ANKRD13A: variants seen among roughly 807,000 people sequenced by gnomAD.
ANKRD13A encodes ankyrin repeat domain-containing protein 13A.
Under a neutral mutation model 81.3 loss-of-function variants are expected in ANKRD13A, and 48 were observed. The ratio of observed to expected loss-of-function variants is 0.59; its 90% confidence interval spans 0.47 to 0.75. The LOEUF is 0.75. Among genes scored for constraint, ANKRD13A ranks in the 30% least tolerant of loss-of-function variants. The probability of loss-of-function intolerance (pLI) is 0.00; values close to 1 mark genes in which losing one functional copy is unlikely to be tolerated. For synonymous variants in ANKRD13A, 230 were observed against 270.1 expected (o/e 0.85, Z 1.45); for missense variants, 612 against 734.0 (o/e 0.83, Z 1.92).
intron 1 of ANKRD13A, among the ~76,000 whole-genome samples, chr12:110,008,084 G>A (rs1890328780): frequency 6.6e-6 from 1 of 152,146 alleles, no homozygotes; most frequent in Non-Finnish European, 1.5e-5. Context: ...CATCTTAGAG[G>A]GGAAACATCC....
chr12:110,009,147 T>G (rs1292478003), intron 1 of ANKRD13A, among the ~76,000 whole-genome samples: 1 of 152,124 alleles, frequency 6.6e-6, no homozygotes, highest in African/African-American at 2.4e-5. Context: ...AATGGCACAA[T>G]CTCGGCTCAC....
rs1892118280 is a variant in ANKRD13A at position 110,037,249 on chromosome 12, T to TA, written c.1578-107dup. 6.3e-6 allele frequency: 7 copies of TA among 1,111,658 alleles called. No homozygotes were observed. The South Asian group carries it at 1.0e-4, about 17-fold the overall frequency. The allele number at this position is 1,111,658 out of a possible 1,614,324, so 68.9% of individuals were successfully genotyped here. A position where few individuals can be genotyped will look rare whatever the true frequency, so the allele number is the denominator to read the frequency against. On this transcript the variant is annotated intron_variant, in intron 14 of 14. Transcript: ENST00000261739. Reference sequence around the variant, plus strand: ...TGGGATTAATTGGCATCATGCATATTAAATGCCTGGCACAGTGTGCCCTTG... The same window carrying TA: ...TGGGATTAATTGGCATCATGCATATTAAAATGCCTGGCACAGTGTGCCCTTG...
In ANKRD13A at chr12:110,039,639, G is replaced by A. The variant is rs1478825927; in HGVS notation, c.*2085G>A. ...AAATGGCAACTAAAAGCAAGCCAGTGTTGGGCTGTTCTGACACCTCTGTGG... is the reference window on the plus strand; with the variant it reads ...AAATGGCAACTAAAAGCAAGCCAGTATTGGGCTGTTCTGACACCTCTGTGG... On this transcript the variant is annotated 3_prime_UTR_variant, in exon 15 of 15. Coordinates refer to ENST00000261739, the MANE Select transcript of ANKRD13A (RefSeq NM_033121.2). 1 of 152,258 alleles carries A rather than the reference G, an allele frequency of 6.6e-6. No individual in the cohort carries two copies. The highest frequency in any genetic ancestry group is 1.5e-5 in the Non-Finnish European group (1 of 68,072). 9.4% of individuals were successfully genotyped at this position (152,258 alleles called of 1,614,324 possible).
intron 3 of ANKRD13A, 113 bp from the exon 4 acceptor site, chr12:110,016,275 T>G: frequency 1.2e-6 from 1 of 817,910 alleles, no homozygotes; most frequent in Non-Finnish European, 1.8e-6. Context: ...TTCTTCTTAT[T>G]TTCTCTTTTT....
intron 2 of ANKRD13A, among the ~76,000 whole-genome samples, chr12:110,012,642 A>C (rs757817681): frequency 2.0e-5 from 3 of 152,192 alleles, no homozygotes; most frequent in African/African-American, 4.8e-5. Flanking sequence ...ACCTCCATTG[A>C]ATCCATCAAA....
intron 6 of ANKRD13A, chr12:110,021,736 T>G (rs1201357514): frequency 6.6e-6 from 1 of 152,348 alleles, no homozygotes; most frequent in Non-Finnish European, 1.5e-5. Flanking sequence ...CCTCTCTCAT[T>G]TTTTGATGGT....
intron 3 of ANKRD13A, among the ~76,000 whole-genome samples, chr12:110,015,258 C>T (rs1158240527): frequency 6.6e-6 from 1 of 152,218 alleles, no homozygotes; most frequent in Non-Finnish European, 1.5e-5. Context: ...GGAAAATCAA[C>T]TTCCTGAGGA....
Position 110,029,648 on chromosome 12 carries a change from A to C in ANKRD13A, c.1234+13A>C. On this transcript the variant is annotated intron_variant, in intron 11 of 14. Transcript: ENST00000261739. ...CCTGTCAAAATAGGTACTGCTAAAT[A>C]AACTTCAGCAACACTTGGAGGTTCT... 6.2e-7 allele frequency: 1 copy of C among 1,607,660 alleles called. No individual in the cohort carries two copies. Among genetic ancestry groups the C allele is most frequent in the Non-Finnish European group, 8.5e-7 (1 of 1,174,352 alleles).
At position 110,018,507 on chromosome 12, in the gene ANKRD13A, A is replaced by G. The variant is rs1890909293; in HGVS notation, c.544+19A>G. 9.3e-6 allele frequency: 15 copies of G among 1,609,228 alleles called. No homozygotes were observed. The Middle Eastern group carries it at 2.5e-3, about 266-fold the overall frequency. On this transcript the variant is annotated intron_variant, in intron 5 of 14. Coordinates refer to ENST00000261739, the MANE Select transcript of ANKRD13A (RefSeq NM_033121.2). This position sits in a 1 kb window ranked among gnomAD's most constrained non-coding sequence, Gnocchi z 4.4. ...GGAGAAGGTGAGTGACTTCTCTTGT[A>G]GTAATCACTGCTCAAGCAAAATTAC...
At chr12:110,002,990 C>T (rs547598419) in intron 1 of ANKRD13A, among the ~76,000 whole-genome samples, 95 of 152,320 alleles carry the variant, frequency 6.2e-4, no homozygotes, top group Middle Eastern at 6.8e-3. Flanking sequence ...TGCCTCTTAA[C>T]CCATCAGCTC....
At chr12:110,010,020 C>A (rs764000390) in intron 1 of ANKRD13A, among the ~76,000 whole-genome samples, 2 of 152,208 alleles carry the variant, frequency 1.3e-5, no homozygotes, top group Non-Finnish European at 2.9e-5. Context: ...GCACTCACCA[C>A]CTCGCCTGGC....
intron 2 of ANKRD13A, among the ~76,000 whole-genome samples, chr12:110,012,481 C>T (rs1317709108): frequency 1.3e-5 from 2 of 152,138 alleles, no homozygotes; most frequent in Non-Finnish European, 2.9e-5. Flanking sequence ...GGGATGGGGA[C>T]AAGGAAATGG....
intron 1 of ANKRD13A, among the ~76,000 whole-genome samples, chr12:110,003,443 A>G (rs1332979966): frequency 1.3e-5 from 2 of 152,178 alleles, no homozygotes; most frequent in Non-Finnish European, 2.9e-5. Flanking sequence ...CGGGGGTTCA[A>G]GCTCACCTTA....
At chr12:110,027,338 T>C (rs1031764032) in intron 8 of ANKRD13A, 1 of 238,856 alleles carries the variant, frequency 4.2e-6, no homozygotes, top group African/African-American at 2.3e-5. Flanking sequence ...GCAGTAATTG[T>C]TCACCAGCAC....
intron 13 of ANKRD13A, among the ~76,000 whole-genome samples, chr12:110,035,975 C>G (rs1275102872): frequency 1.3e-5 from 2 of 152,124 alleles, no homozygotes; most frequent in Non-Finnish European, 2.9e-5. Context: ...TGTGTTTTTG[C>G]TTTTCGTTGT....
intron 1 of ANKRD13A, among the ~76,000 whole-genome samples, chr12:110,010,663 G>A (rs1365234237): frequency 6.6e-6 from 1 of 152,168 alleles, no homozygotes; most frequent in Non-Finnish European, 1.5e-5. Context: ...GCCTGGGATT[G>A]GTCCAGGAGG....
chr12:110,000,347 A>C (rs377683122), intron 1 of ANKRD13A, among the ~76,000 whole-genome samples: 1 of 152,176 alleles, frequency 6.6e-6, no homozygotes, highest in Non-Finnish European at 1.5e-5. Flanking sequence ...ACTTGACTCT[A>C]TTGATAGGTC....
intron 14 of ANKRD13A, 35 bp from the exon 15 acceptor site, chr12:110,037,324 A>T: frequency 6.3e-7 from 1 of 1,587,524 alleles, no homozygotes; most frequent in Non-Finnish European, 8.6e-7. Context: ...TGATGATAGT[A>T]GTGACTCTCC....
At chr12:110,012,183 G>A in intron 2 of ANKRD13A, 46 bp downstream of exon 2, 1 of 1,548,740 alleles carries the variant, frequency 6.5e-7, no homozygotes, top group Non-Finnish European at 8.8e-7. Flanking sequence ...GAGCACCATG[G>A]TGAAACCCTG....
Sources: gnomAD v4.1 joint callset for allele counts (sites outside exome capture counted in the v4.1 genomes callset) on GRCh38, gnomAD v4.1.1 for gene constraint, Gnocchi (gnomAD v3.1) non-coding constraint, MANE v1.5 for transcripts, NCBI Gene and HGNC (gene_info 2026-07-23, HGNC 2026-07-21) for gene names.